The following RBM5 variants were observed in gnomAD, a reference collection of about 807,000 sequenced individuals.
RBM5 encodes the protein RNA-binding protein 5.
In RBM5, 15 loss-of-function variants were observed where a neutral mutation model predicts 124.6. That is an observed-to-expected ratio of 0.12 (90% confidence interval 0.08 to 0.19). The LOEUF (loss-of-function observed/expected upper bound fraction) is 0.19, where lower values mean the gene tolerates loss of function less well. RBM5 is among the 10% of genes least tolerant of loss of function. RBM5 has a pLI of 1.00. For missense variants in RBM5, 580 were observed against 1,026.5 expected, an observed-to-expected ratio of 0.57 and a Z score of 5.94; for synonymous variants, 337 against 361.2, an observed-to-expected ratio of 0.93 and a Z score of 0.76.
At chr3:50,113,287 G>A (rs1366420464) in intron 17 of RBM5, 96 bp from the exon 18 acceptor site, 2 of 1,322,586 alleles carry the variant, frequency 1.5e-6, no homozygotes, top group Non-Finnish European at 2.1e-6. Flanking sequence ...AATATCACTA[G>A]TCCACAACAT....
chr3:50,107,865 T>G (rs2091068625), intron 12 of RBM5, among the ~76,000 whole-genome samples: 1 of 151,656 alleles, frequency 6.6e-6, no homozygotes, highest in Admixed American at 6.6e-5. Flanking sequence ...TTTTGTATTT[T>G]AGTAGAGATG....
chr3:50,099,328 C>G (rs1197091498), intron 4 of RBM5, among the ~76,000 whole-genome samples: 1 of 151,846 alleles, frequency 6.6e-6, no homozygotes. Context: ...GCCTTCAGTG[C>G]TGTTATAATG....
At position 50,100,154 on chromosome 3, in the gene RBM5, A is replaced by G. The variant is rs2090911170; in HGVS notation, c.409+103A>G. The G allele has an allele frequency of 2.8e-6, 3 of 1,073,432 alleles. No homozygotes were observed. Among genetic ancestry groups the G allele is most frequent in the Non-Finnish European group, 4.1e-6 (3 of 731,298 alleles). 66.5% of individuals were successfully genotyped at this position (1,073,432 alleles called of 1,614,324 possible). On this transcript the variant is annotated intron_variant, in intron 5 of 24. Coordinates refer to ENST00000347869, the MANE Select transcript of RBM5 (RefSeq NM_005778.4). This position sits in a 1 kb window ranked among gnomAD's most constrained non-coding sequence, Gnocchi z 5.1. Reference sequence around the variant, plus strand: ...CCCCAGTCTTCAAGCACATGAATTCAGAATGAAAGGTTTGCCATGGCTAAG... The same window carrying G: ...CCCCAGTCTTCAAGCACATGAATTCGGAATGAAAGGTTTGCCATGGCTAAG...
At chr3:50,090,578 G>A in intron 2 of RBM5, 127 bp downstream of exon 2, 1 of 1,063,024 alleles carries the variant, frequency 9.4e-7, no homozygotes, top group Non-Finnish European at 1.4e-6. Context: ...ACACCTTTAT[G>A]ATCCTGTTGT....
Position 50,092,221 on chromosome 3 carries a change from C to T in RBM5, c.183+13C>T, listed in dbSNP as rs774511575. 1.7e-5 allele frequency: 28 copies of T among 1,609,276 alleles called. No homozygotes were observed. Among genetic ancestry groups the T allele is most frequent in the African/African-American group, 1.2e-4 (9 of 74,662 alleles). ...TGACAGTCCAGAGGTGAGTGACCAGCGGCTGTATAACCCCCCAAAACACTC... is the reference window on the plus strand; with the variant it reads ...TGACAGTCCAGAGGTGAGTGACCAGTGGCTGTATAACCCCCCAAAACACTC... On this transcript the variant is annotated intron_variant, in intron 3 of 24. Coordinates refer to ENST00000347869, the MANE Select transcript of RBM5 (RefSeq NM_005778.4).
intron 2 of RBM5, among the ~76,000 whole-genome samples, chr3:50,091,043 A>G (rs1488410844): frequency 6.6e-6 from 1 of 152,260 alleles, no homozygotes; most frequent in Non-Finnish European, 1.5e-5. Context: ...CTATGGGTAC[A>G]TGCTCTCAGA....
chr3:50,106,706 G>A, intron 10 of RBM5, 61 bp from the exon 11 acceptor site: 3 of 1,182,040 alleles, frequency 2.5e-6, no homozygotes, highest in African/African-American at 1.5e-5. Flanking sequence ...TGAATGGGGT[G>A]GATGGTAGGG....
At chr3:50,114,331 A>G (rs764718422) in intron 20 of RBM5, 80 bp downstream of exon 20, 1 of 1,372,212 alleles carries the variant, frequency 7.3e-7, no homozygotes, top group Non-Finnish European at 1.0e-6. Flanking sequence ...ATCTTGGCTA[A>G]TGTGATTCCT....
intron 24 of RBM5, 144 bp from the exon 25 acceptor site, chr3:50,118,187 C>T (rs1553685798): frequency 3.4e-6 from 4 of 1,177,044 alleles, no homozygotes; most frequent in Non-Finnish European, 4.7e-6. Context: ...CTCCTGGTCT[C>T]TTCTGGAGAA....
At chr3:50,109,404 C>T (rs575566448) in intron 14 of RBM5, among the ~76,000 whole-genome samples, 199 bp from the exon 15 acceptor site, 2 of 152,228 alleles carry the variant, frequency 1.3e-5, no homozygotes, top group South Asian at 2.1e-4. Flanking sequence ...GATACAGAAT[C>T]CTTAACTTTG....
intron 15 of RBM5, 93 bp downstream of exon 15, chr3:50,109,781 G>C: frequency 1.0e-6 from 1 of 981,678 alleles, no homozygotes; most frequent in Non-Finnish European, 1.6e-6. Context: ...TATGAGCCAG[G>C]ATTGAGTAAT....
chr3:50,104,370 G>A (rs2090994364), intron 8 of RBM5, 62 bp downstream of exon 8: 4 of 1,497,662 alleles, frequency 2.7e-6, no homozygotes, highest in Middle Eastern at 1.7e-4. Context: ...GCAGGGAGCA[G>A]TGGCTCACTG....
rs543480014 is a variant in RBM5, at chr3:50,106,732, C to G, written c.856-35C>G. ...GATGGTAGGGAGAGATTTTTAATTG[C>G]ATTACACGTTTTTTTCCTTCACATT... On this transcript the variant is annotated intron_variant, in intron 10 of 24. Coordinates refer to ENST00000347869, the MANE Select transcript of RBM5 (RefSeq NM_005778.4). 2.8e-6 allele frequency: 4 copies of G among 1,437,234 alleles called. No homozygotes were observed. In the African/African-American group the frequency reaches 4.2e-5, roughly 15 times the overall value. The allele number at this position is 1,437,234 out of a possible 1,614,324, so 89.0% of individuals were successfully genotyped here.
chr3:50,114,038 G>C lies in RBM5; in HGVS notation c.1706G>C (p.Arg569Thr). 6.2e-7 allele frequency: 1 copy of C among 1,614,190 alleles called. No homozygotes were observed. Among genetic ancestry groups the C allele is most frequent in the Non-Finnish European group, 8.5e-7 (1 of 1,180,038 alleles). ...KNSFQPVNSLREEERRESAAA... is the reference protein window; with the variant it reads ...KNSFQPVNSLTEEERRESAAA... ...AGCTTTCAGCCTGTCAATTCCTTGAGGGAAGAAGAAAGGAGAGAATCTGCT... is the reference window on the plus strand; with the variant it reads ...AGCTTTCAGCCTGTCAATTCCTTGACGGAAGAAGAAAGGAGAGAATCTGCT... The change falls in exon 19 of 25, where the codon AGG (arginine) becomes ACG (threonine). Residue 569 changes from arginine (R) to threonine (T), a missense_variant. Coordinates refer to ENST00000347869, the MANE Select transcript of RBM5 (RefSeq NM_005778.4).
intron 22 of RBM5, 130 bp downstream of exon 22, chr3:50,116,110 T>G (rs1197989872): frequency 1.2e-6 from 1 of 823,996 alleles, no homozygotes; most frequent in Admixed American, 2.1e-5. Flanking sequence ...ATCTGACCAT[T>G]GTAGTTCATG....
intron 15 of RBM5, 146 bp downstream of exon 15, chr3:50,109,834 A>G (rs191990913): frequency 2.9e-4 from 172 of 590,506 alleles, no homozygotes; most frequent in Non-Finnish European, 4.4e-4. Context: ...TAAAATATTA[A>G]TTTTATGATA....
intron 4 of RBM5, among the ~76,000 whole-genome samples, chr3:50,096,466 C>T (rs914071893): frequency 5.3e-5 from 8 of 151,956 alleles, no homozygotes; most frequent in East Asian, 1.9e-4. Context: ...CCAGCCTGAG[C>T]GACAGAGCAA....
At chr3:50,112,838 TAG>T (rs2109015889) in intron 17 of RBM5, 1 of 152,436 alleles carries the variant, frequency 6.6e-6, no homozygotes, top group East Asian at 1.9e-4. Flanking sequence ...TAATGGGAAC[TAG>T]ACTTTTTAAA....
chr3:50,094,079 G>A, intron 4 of RBM5: 4 of 466,962 alleles, frequency 8.6e-6, no homozygotes, highest in East Asian at 3.2e-5. Flanking sequence ...ATTTACATAA[G>A]TCTAAACATG....
Sources: allele counts gnomAD v4.1 joint callset (sites outside exome capture counted in the v4.1 genomes callset), GRCh38; gene constraint gnomAD v4.1.1; non-coding constraint Gnocchi (gnomAD v3.1); transcripts MANE v1.5; gene names NCBI Gene and HGNC (gene_info 2026-07-23, HGNC 2026-07-21).